USP25: variants seen among roughly 807,000 people sequenced by gnomAD.
The protein encoded by USP25 is ubiquitin carboxyl-terminal hydrolase 25.
USP25 carries 85 observed loss-of-function variants against 158.5 expected under a neutral mutation model. The ratio of observed to expected loss-of-function variants is 0.54; its 90% CI spans 0.45 to 0.64. The LOEUF is 0.64. Among genes scored for constraint, USP25 ranks in the 30% least tolerant of loss-of-function variants. The pLI is 0.00. For missense variants in USP25, 1,242 were observed against 1,327.3 expected (o/e 0.94, Z 1.00); for synonymous variants, 464 against 460.4 (o/e 1.01, Z -0.10).
intron 6 of USP25, 97 bp from the exon 7 acceptor site, chr21:15,805,024 T>A (rs1600969163): frequency 3.1e-6 from 4 of 1,298,268 alleles, no homozygotes. Context: ...TATTGGCTAG[T>A]TTAATTTTTG....
At chr21:15,734,740 A>G (rs542196886) in intron 1 of USP25, among the ~76,000 whole-genome samples, 7 of 152,266 alleles carry the variant, frequency 4.6e-5, no homozygotes, top group South Asian at 2.1e-4. Context: ...TCCTTATAAT[A>G]TGGAAATTTT....
chr21:15,759,825 C>T (rs1209472734), intron 1 of USP25, among the ~76,000 whole-genome samples: 3 of 152,112 alleles, frequency 2.0e-5, no homozygotes, highest in Non-Finnish European at 2.9e-5. Context: ...CTTGAAGCTT[C>T]AGATTTTGTT....
chr21:15,827,280 C>T (rs549113443), intron 14 of USP25, 77 bp downstream of exon 14: 456 of 1,188,132 alleles, frequency 3.8e-4, no homozygotes, highest in Middle Eastern at 1.6e-3. Context: ...AGGGAAATCA[C>T]GTCTGGATTT....
chr21:15,818,469 A>G lies in USP25; in HGVS notation c.932-229A>G, dbSNP rs115832308. 2.4e-3 allele frequency among the ~76,000 whole-genome samples: 364 copies of G among 152,214 alleles called. 5 individuals carry two copies. The highest frequency in any genetic ancestry group is 8.4e-3 in the African/African-American group (350 of 41,536). ...TTCTTGCGAGAAAAAATATACATAC[A>G]TATGTGTGTATATAATTACATATAT... is the stretch of plus-strand genomic sequence containing the variant. On this transcript the variant is annotated intron_variant, in intron 9 of 25. Transcript: ENST00000400183.
chr21:15,855,180 T>G (rs2039076207), intron 20 of USP25, among the ~76,000 whole-genome samples: 1 of 152,160 alleles, frequency 6.6e-6, no homozygotes, highest in Non-Finnish European at 1.5e-5. Flanking sequence ...TGTAAAAATT[T>G]TGTCGGTATC....
intron 20 of USP25, among the ~76,000 whole-genome samples, chr21:15,859,990 T>C (rs903135281): frequency 4.4e-5 from 6 of 135,062 alleles, no homozygotes; most frequent in Admixed American, 1.4e-4. Context: ...TATATATCTA[T>C]ATTTTTTTTT....
At chr21:15,865,008 G>T (rs552528828) in intron 21 of USP25, among the ~76,000 whole-genome samples, 5 of 152,108 alleles carry the variant, frequency 3.3e-5, no homozygotes, top group African/African-American at 9.6e-5. Context: ...GGTTAAATTA[G>T]ATTCACGCAG....
intron 7 of USP25, among the ~76,000 whole-genome samples, chr21:15,808,009 TCTTTAAGAAACTGCTGG>T (rs1299251981): frequency 2.0e-5 from 3 of 152,242 alleles, no homozygotes; most frequent in South Asian, 4.1e-4. Flanking sequence ...GCCTACATGC[TCTTTAAGAAACTGCTGG>T]CTGAAAAAAT....
At chr21:15,770,031 C>T (rs2034264514) in intron 3 of USP25, among the ~76,000 whole-genome samples, 1 of 150,578 alleles carries the variant, frequency 6.6e-6, no homozygotes, top group Non-Finnish European at 1.5e-5. Flanking sequence ...GGGAGAAAAA[C>T]CTTGAGGTTC....
chr21:15,851,191 CA>C (rs75641617), intron 20 of USP25, among the ~76,000 whole-genome samples: 11,365 of 151,548 alleles, frequency 0.075, 497 homozygotes, highest in East Asian at 0.092. Context: ...TTTACAGTGC[CA>C]TTGTCATTTC....
At chr21:15,794,781 G>A (rs2035775577) in intron 5 of USP25, among the ~76,000 whole-genome samples, 1 of 151,310 alleles carries the variant, frequency 6.6e-6, no homozygotes, top group African/African-American at 2.4e-5. Flanking sequence ...GCACCCTGAG[G>A]GCAGAGAGCA....
chr21:15,755,853 C>T (rs983490958), intron 1 of USP25, among the ~76,000 whole-genome samples: 4 of 152,118 alleles, frequency 2.6e-5, no homozygotes, highest in African/African-American at 9.7e-5. Context: ...CCTGAATCCC[C>T]TCTTCATAAA....
intron 8 of USP25, 50 bp downstream of exon 8, chr21:15,808,935 G>A: frequency 1.5e-6 from 2 of 1,293,160 alleles, no homozygotes; most frequent in South Asian, 1.3e-5. Flanking sequence ...TCATTAGATA[G>A]CATGTATTAA....
Position 15,791,598 on chromosome 21 carries a change from A to G in USP25, c.489A>G (p.Arg163=). 1.9e-6 allele frequency: 3 copies of G among 1,611,852 alleles called. No individual in the cohort carries two copies. The highest frequency in any genetic ancestry group is 2.5e-6 in the Non-Finnish European group (3 of 1,178,504). Residue 163 remains arginine, a synonymous_variant, in exon 5 of 26, where the codon AGA becomes AGG. Coordinates refer to ENST00000400183, the MANE Select transcript of USP25 (RefSeq NM_001283041.3). Reference sequence around the variant, plus strand: ...CTCGAAACCCTTATGATAGAAAAAGACAGGACAAAGCTCCCGTTGGGCTAA... The same window carrying G: ...CTCGAAACCCTTATGATAGAAAAAGGCAGGACAAAGCTCCCGTTGGGCTAA... ...RDSRNPYDRK[R]QDKAPVGLKN...
At chr21:15,787,603 C>A (rs901125213) in intron 4 of USP25, among the ~76,000 whole-genome samples, 4 of 151,902 alleles carry the variant, frequency 2.6e-5, no homozygotes, top group African/African-American at 9.7e-5. Flanking sequence ...ATTGGAAGAC[C>A]ATTGTTAAAC....
At chr21:15,829,221 A>C (rs951775364) in intron 14 of USP25, among the ~76,000 whole-genome samples, 1 of 151,972 alleles carries the variant, frequency 6.6e-6, no homozygotes, top group Non-Finnish European at 1.5e-5. Flanking sequence ...GGTAAATTAC[A>C]TGTCTTGGGG....
chr21:15,799,825 T>G lies in USP25; in HGVS notation c.624T>G (p.Asp208Glu). The change falls in exon 6 of 26, where the codon GAT becomes GAG. Residue 208 changes from aspartate (D) to glutamate (E), a missense_variant. Asp to Glu is a conservative substitution (Grantham distance 45). This residue lies in a region of USP25 where 627 missense variants were observed against 701.4 expected (regional missense o/e 0.89). Coordinates refer to ENST00000400183, the MANE Select transcript of USP25 (RefSeq NM_001283041.3). ...LNYKPPSNAQ[D>E]LPRNQKEHRN... ...ACAAGCCTCCATCAAATGCTCAAGA[T>G]TTACCCCGAAACCAAAAGGTAAAAT... 3.1e-6 allele frequency: 5 copies of G among 1,604,188 alleles called. No homozygotes were observed. Among genetic ancestry groups the G allele is most frequent in the Non-Finnish European group, 4.3e-6 (5 of 1,174,138 alleles).
chr21:15,789,888 C>T (rs2035497687), intron 4 of USP25, among the ~76,000 whole-genome samples: 2 of 152,106 alleles, frequency 1.3e-5, no homozygotes, highest in Middle Eastern at 6.8e-3. Context: ...TTTTGTATTA[C>T]AGTTACTTTT....
chr21:15,845,448 A>G (rs1283877338), intron 18 of USP25, among the ~76,000 whole-genome samples: 1 of 152,110 alleles, frequency 6.6e-6, no homozygotes, highest in African/African-American at 2.4e-5. Context: ...GGGATATCTA[A>G]ATTTGGCAAA....
Sources: allele counts gnomAD v4.1 joint callset (sites outside exome capture counted in the v4.1 genomes callset), GRCh38; gene constraint gnomAD v4.1.1; regional missense constraint gnomAD v4.1.1; transcripts MANE v1.5; gene names NCBI Gene and HGNC (gene_info 2026-07-23, HGNC 2026-07-21).